The following MTMR12 variants were observed in gnomAD, a reference collection of about 807,000 sequenced individuals.
MTMR12 encodes the protein myotubularin related protein 12, also known as myotubularin-related protein 12.
In MTMR12, 33 loss-of-function variants were observed where a neutral mutation model predicts 96.7. The ratio of observed to expected loss-of-function variants is 0.34; its 90% CI spans 0.26 to 0.46. The LOEUF (loss-of-function observed/expected upper bound fraction) is 0.46, where lower values mean the gene tolerates loss of function less well. MTMR12 is among the 20% of genes least tolerant of loss of function. The pLI is 1.00. For synonymous variants in MTMR12, 298 were observed against 327.2 expected, an observed-to-expected ratio of 0.91 and a Z score of 0.96; for missense variants, 721 against 896.1, an observed-to-expected ratio of 0.80 and a Z score of 2.49.
intron 3 of MTMR12, among the ~76,000 whole-genome samples, chr5:32,272,240 G>A (rs545845152): frequency 4.2e-4 from 63 of 151,536 alleles, no homozygotes; most frequent in African/African-American, 1.4e-3. Flanking sequence ...GCAGCCAGCC[G>A]AGATCGCACC....
intron 6 of MTMR12, among the ~76,000 whole-genome samples, 190 bp from the exon 7 acceptor site, chr5:32,263,432 CTTTTT>C (rs1322346251): frequency 7.2e-6 from 1 of 139,806 alleles, no homozygotes; most frequent in Non-Finnish European, 1.6e-5. Context: ...GACTGAGTCT[CTTTTT>C]TTTTTTTTTT....
intron 1 of MTMR12, among the ~76,000 whole-genome samples, chr5:32,309,477 GA>G (rs1487145373): frequency 8.5e-5 from 13 of 152,062 alleles, no homozygotes; most frequent in African/African-American, 3.1e-4. Flanking sequence ...TCTGACAGGG[GA>G]TAACAAGAAT....
chr5:32,282,420 AAAATAAATAAATAAATAAATAAAT>A (rs202223564), intron 1 of MTMR12, among the ~76,000 whole-genome samples: 1 of 144,994 alleles, frequency 6.9e-6, no homozygotes. Flanking sequence ...GACTCCATCT[AAAATAAATAAATAAATAAATAAAT>A]AAATAAATAA....
chr5:32,230,492 C>T (rs988202684), intron 15 of MTMR12, 145 bp from the exon 16 acceptor site: 40 of 731,856 alleles, frequency 5.5e-5, no homozygotes, highest in Non-Finnish European at 7.1e-5. Flanking sequence ...CTCATTAACA[C>T]GCTGTGACAT....
intron 11 of MTMR12, 107 bp from the exon 12 acceptor site, chr5:32,242,234 A>AT (rs1042975134): frequency 0.047 from 24,428 of 521,542 alleles, no homozygotes; most frequent in East Asian, 0.062. Context: ...CTTCTCTCTT[A>AT]TTTTTTTTTT....
At chr5:32,307,298 C>G (rs192524200) in intron 1 of MTMR12, among the ~76,000 whole-genome samples, 1 of 152,154 alleles carries the variant, frequency 6.6e-6, no homozygotes, top group Admixed American at 6.5e-5. Flanking sequence ...GATTTGGTAC[C>G]CAAACTATAA....
At chr5:32,256,832 G>A (rs942706370) in intron 7 of MTMR12, among the ~76,000 whole-genome samples, 1 of 152,226 alleles carries the variant, frequency 6.6e-6, no homozygotes, top group African/African-American at 2.4e-5. Context: ...AACCCAGGCT[G>A]TGGAAAACTG....
intron 6 of MTMR12, among the ~76,000 whole-genome samples, chr5:32,264,697 G>C (rs1359358176): frequency 6.6e-6 from 1 of 152,080 alleles, no homozygotes; most frequent in Non-Finnish European, 1.5e-5. Context: ...CTGACCTCAT[G>C]ATCCACCCAC....
chr5:32,272,239 C>T (rs892661210), intron 3 of MTMR12, among the ~76,000 whole-genome samples: 15 of 151,848 alleles, frequency 9.9e-5, no homozygotes, highest in Admixed American at 4.6e-4. Flanking sequence ...TGCAGCCAGC[C>T]GAGATCGCAC....
intron 10 of MTMR12, among the ~76,000 whole-genome samples, chr5:32,246,585 T>G (rs954728842): frequency 6.6e-6 from 1 of 152,232 alleles, no homozygotes; most frequent in African/African-American, 2.4e-5. Flanking sequence ...GAAACAAGAT[T>G]AATTTTTTCC....
chr5:32,248,862 C>T lies in MTMR12; in HGVS notation c.806G>A (p.Cys269Tyr), dbSNP rs1207397691. The T allele has an allele frequency of 6.2e-7, 1 of 1,613,706 alleles. No individual in the cohort carries two copies. Among genetic ancestry groups the T allele is most frequent in the African/African-American group, 1.3e-5 (1 of 75,034 alleles). The change falls in exon 9 of 16, where the codon TGC becomes TAC. Residue 269 changes from cysteine to tyrosine, a missense_variant. Physicochemically the swap from Cys to Tyr is radical, Grantham distance 194. Transcript: ENST00000382142. Reference sequence around the variant, plus strand: ...TTTCAAAAGGGCACTTCCATTGTGGCAGGACCAACACCATATCTGTAGAAA... The same window carrying T: ...TTTCAAAAGGGCACTTCCATTGTGGTAGGACCAACACCATATCTGTAGAAA... Reference protein sequence around the residue: ...GHGIPIWCWSCHNGSALLKMS... With the variant: ...GHGIPIWCWSYHNGSALLKMS...
chr5:32,247,168 G>C (rs1029550000), intron 10 of MTMR12, among the ~76,000 whole-genome samples: 5 of 152,116 alleles, frequency 3.3e-5, no homozygotes, highest in Non-Finnish European at 7.3e-5. Flanking sequence ...TGGGCAACAT[G>C]ATGGGACTCT....
chr5:32,291,591 T>C (rs1028554564), intron 1 of MTMR12, among the ~76,000 whole-genome samples: 5 of 152,130 alleles, frequency 3.3e-5, no homozygotes, highest in African/African-American at 1.2e-4. Flanking sequence ...ATCAAGTAGA[T>C]AGGGTGACCC....
intron 6 of MTMR12, among the ~76,000 whole-genome samples, chr5:32,268,282 T>C (rs932572083): frequency 6.6e-6 from 1 of 151,814 alleles, no homozygotes; most frequent in African/African-American, 2.4e-5. Context: ...CCGAGGTGGA[T>C]GGATCACTTG....
intron 8 of MTMR12, among the ~76,000 whole-genome samples, chr5:32,254,688 C>T (rs751150211): frequency 1.5e-4 from 23 of 151,882 alleles, no homozygotes; most frequent in African/African-American, 2.2e-4. Flanking sequence ...ACTAAAAACA[C>T]AAAAAATTAG....
In MTMR12 at chr5:32,233,469, CACAA is replaced by C. The variant is rs1169464381; in HGVS notation, c.1674+300_1674+303del. Among the ~76,000 whole-genome samples the C allele has an allele frequency of 0.057, 7,612 of 133,480 alleles. 365 individuals are homozygous for C. The highest frequency in any genetic ancestry group is 0.13 in the African/African-American group (5,064 of 38,166). 87.6% of individuals were successfully genotyped at this position (133,480 alleles called of 152,430 possible). On this transcript the variant is annotated intron_variant, in intron 15 of 15. Coordinates refer to ENST00000382142, the MANE Select transcript of MTMR12 (RefSeq NM_001040446.3). This position sits in a 1 kb window ranked among gnomAD's most constrained non-coding sequence, Gnocchi z 5.0. ...TTTACTCTACTAACACACACACACACACAAACACACACACACACACACACACACA... is the reference window on the plus strand; with the variant it reads ...TTTACTCTACTAACACACACACACACACACACACACACACACACACACACA...
intron 11 of MTMR12, 65 bp downstream of exon 11, chr5:32,243,456 G>T: frequency 1.8e-6 from 2 of 1,136,544 alleles, no homozygotes; most frequent in Non-Finnish European, 2.6e-6. Flanking sequence ...TTATTTGTCG[G>T]TTTGATCTAC....
In MTMR12 at chr5:32,229,603, TC is replaced by T. The variant is rs1747906418; in HGVS notation, c.*174del. On this transcript the variant is annotated 3_prime_UTR_variant, in exon 16 of 16. Transcript: ENST00000382142. Reference sequence around the variant, plus strand: ...TACAGATGCGGTTTTAATTGCATAGTCTTTTAGAATCATGAAAAATAATGAG... The same window carrying T: ...TACAGATGCGGTTTTAATTGCATAGTTTTTAGAATCATGAAAAATAATGAG... 4.0e-6 allele frequency: 2 copies of T among 501,494 alleles called. No individual in the cohort carries two copies. The highest frequency in any genetic ancestry group is 6.6e-6 in the Non-Finnish European group (2 of 303,124). The allele number at this position is 501,494 out of a possible 1,614,324, so 31.1% of individuals were successfully genotyped here.
chr5:32,290,392 A>G lies in MTMR12; in HGVS notation c.82-13650T>C, dbSNP rs1377700157. Among the ~76,000 whole-genome samples, 5 of 152,200 alleles carry G rather than the reference A, an allele frequency of 3.3e-5. No homozygotes were observed. In the East Asian group the frequency reaches 9.6e-4, roughly 29 times the overall value. Reference sequence around the variant, plus strand: ...TTTCATGTCAGAGGATGGGAACTAAATCCAACTAAAATTTAGGGAACTTCT... The same window carrying G: ...TTTCATGTCAGAGGATGGGAACTAAGTCCAACTAAAATTTAGGGAACTTCT... On this transcript the variant is annotated intron_variant, in intron 1 of 15. Coordinates refer to ENST00000382142, the MANE Select transcript of MTMR12 (RefSeq NM_001040446.3).
Sources: allele counts gnomAD v4.1 joint callset (sites outside exome capture counted in the v4.1 genomes callset), GRCh38; gene constraint gnomAD v4.1.1; non-coding constraint Gnocchi (gnomAD v3.1); transcripts MANE v1.5; gene names NCBI Gene and HGNC (gene_info 2026-07-23, HGNC 2026-07-21).